NPHS1: variants seen among roughly 807,000 people sequenced by gnomAD.
NPHS1 encodes the protein nephrin.
NPHS1 carries 107 observed loss-of-function variants against 139.7 expected under a neutral mutation model. That is an observed-to-expected ratio of 0.77 (90% CI 0.66 to 0.90). The LOEUF (loss-of-function observed/expected upper bound fraction) is 0.90. Ranked by LOEUF, NPHS1 falls within the 40% of genes least tolerant of loss-of-function variation. The pLI is 0.00. For synonymous variants in NPHS1, 707 were observed against 706.6 expected (o/e 1.00, Z -0.01); for missense variants, 1,580 against 1,654.2 (o/e 0.96, Z 0.78).
chr19:35,832,494 T>C (rs961373046), intron 23 of NPHS1, among the ~76,000 whole-genome samples: 11 of 151,988 alleles, frequency 7.2e-5, no homozygotes, highest in African/African-American at 2.7e-4. Context: ...CAGTGAGCTA[T>C]GATAGCACCA....
Position 35,825,709 on chromosome 19 carries a change from C to A in NPHS1, c.*805G>T, listed in dbSNP as rs952563207. On this transcript the variant is annotated 3_prime_UTR_variant, in exon 29 of 29. Transcript: ENST00000378910. ...TCTGTTTATTTTAATGCTTATGGAG[C>A]ATACTTATGTTTACATGTGTCATAG... 6.6e-6 allele frequency among the ~76,000 whole-genome samples: 1 copy of A among 152,144 alleles called. No homozygotes were observed. The highest frequency in any genetic ancestry group is 2.4e-5 in the African/African-American group (1 of 41,432).
rs1201197016 is a variant in NPHS1 at position 35,845,462 on chromosome 19, C to T, written c.1836G>A (p.Val612=). ...SAAARSVLLQ[V]SSRDHGQRVT... ...CGCGCTGGCCATGATCGCGGGATGA[C>T]ACTTGCAGAAGGACGCTCCTGGCGG... Residue 612 remains valine, a synonymous_variant, in exon 14 of 29, where the codon GTG becomes GTA. Transcript: ENST00000378910. This position sits in a 1 kb window ranked among gnomAD's most constrained non-coding sequence, Gnocchi z 5.5. 6.2e-7 allele frequency: 1 copy of T among 1,614,136 alleles called. No individual in the cohort carries two copies. The highest frequency in any genetic ancestry group is 1.1e-5 in the South Asian group (1 of 91,080).
rs2146826515 is a variant in NPHS1 at position 35,848,290 on chromosome 19, C to T, written c.1278G>A (p.Lys426=). 1.9e-6 allele frequency: 3 copies of T among 1,614,154 alleles called. No homozygotes were observed. Among genetic ancestry groups the T allele is most frequent in the African/African-American group, 2.7e-5 (2 of 75,042 alleles). ...TCEAFSEAFT[K]ETFKKSLILN... ...GGATGAGCGACTTCTTGAAGGTCTCCTTGGTGAAGGCTTCACTGAAGGCCT... is the reference window on the plus strand; with the variant it reads ...GGATGAGCGACTTCTTGAAGGTCTCTTTGGTGAAGGCTTCACTGAAGGCCT... Residue 426 remains lysine, a synonymous_variant, in exon 10 of 29, where the codon AAG becomes AAA. Transcript: ENST00000378910.
At position 35,839,500 on chromosome 19, in the gene NPHS1, T is replaced by C. The variant is rs1482209992; in HGVS notation, c.2923A>G (p.Ile975Val). 25 of 1,613,972 alleles carry C rather than the reference T, an allele frequency of 1.5e-5. No homozygotes were observed. Among genetic ancestry groups the C allele is most frequent in the Non-Finnish European group, 2.0e-5 (24 of 1,179,966 alleles). The change falls in exon 21 of 29, where the codon ATC (isoleucine) becomes GTC (valine). Residue 975 changes from isoleucine (I) to valine (V), a missense_variant. Coordinates refer to ENST00000378910, the MANE Select transcript of NPHS1 (RefSeq NM_004646.4). ...CCTGCCTCGACAAGGACCCACCTGA[T>C]GCAGAACCTCTGTGGCAGGCCCCCA... ...FDGGLPQRFCIRYEALGTPGF... is the reference protein window; with the variant it reads ...FDGGLPQRFCVRYEALGTPGF...
At position 35,839,358 on chromosome 19, in the gene NPHS1, G is replaced by A; in HGVS notation, c.2988C>T (p.Thr996=). The change falls in exon 22 of 29, where the codon ACC becomes ACT. Residue 996 remains threonine, a synonymous_variant. Transcript: ENST00000378910. ...GCTGTAGACCAGTCAGCGTGAAGGT[G>A]GTGGCCTGGGGTGGTACGACATCCA... ...HYVDVVPPQA[T]TFTLTGLQPS... is the part of the protein sequence containing the mutation. The A allele has an allele frequency of 6.2e-7, 1 of 1,614,148 alleles. No individual in the cohort carries two copies. Among genetic ancestry groups the A allele is most frequent in the South Asian group, 1.1e-5 (1 of 91,082 alleles).
chr19:35,826,589 A>T lies in NPHS1; in HGVS notation c.3651T>A (p.Tyr1217Ter). 6.2e-7 allele frequency: 1 copy of T among 1,614,088 alleles called. No homozygotes were observed. Among genetic ancestry groups the T allele is most frequent in the East Asian group, 2.2e-5 (1 of 44,874 alleles). Residue 1217 changes from tyrosine (Y) to a stop codon, truncating the protein, a stop_gained, in exon 29 of 29, where the codon TAT (tyrosine) becomes TAA (stop). Transcript: ENST00000378910. LOFTEE classifies it high-confidence loss of function. ...EDTYQDPRGI[Y>*]DQVAGDLDTL... is the part of the protein sequence containing the mutation. The stretch of plus-strand genomic sequence containing the variant: ...TGTCCAAGTCTCCGGCCACCTGGTC[A>T]TAGATTCCTCTTGGATCCTGATATG...
intron 16 of NPHS1, chr19:35,843,889 C>G: frequency 1.4e-6 from 1 of 712,768 alleles, no homozygotes; most frequent in Non-Finnish European, 2.3e-6. Flanking sequence ...CGTGTCTAGG[C>G]GGGCACCCTC....
chr19:35,842,473 G>A lies in NPHS1; in HGVS notation c.2412C>T (p.His804=), dbSNP rs760156323. 3.7e-6 allele frequency: 6 copies of A among 1,614,030 alleles called. No individual in the cohort carries two copies. Among genetic ancestry groups the A allele is most frequent in the Admixed American group, 1.7e-5 (1 of 59,998 alleles). Residue 804 remains histidine, a synonymous_variant, in exon 18 of 29, where the codon CAC becomes CAT. Coordinates refer to ENST00000378910, the MANE Select transcript of NPHS1 (RefSeq NM_004646.4). ...CGCCAGCCTGGGCCAGTTTGGCATGGTGAATCCGCAGGCGCCCCGTTGGTC... is the reference window on the plus strand; with the variant it reads ...CGCCAGCCTGGGCCAGTTTGGCATGATGAATCCGCAGGCGCCCCGTTGGTC... ...SRGPTGRLRI[H]HAKLAQAGAY...
At chr19:35,847,508 C>T (rs1973161655) in intron 11 of NPHS1, among the ~76,000 whole-genome samples, 1 of 151,816 alleles carries the variant, frequency 6.6e-6, no homozygotes, top group African/African-American at 2.4e-5. Context: ...GCCCCCGCCA[C>T]CATGCCCAGC....
In NPHS1 at chr19:35,847,958, T is replaced by C. The variant is rs970028771; in HGVS notation, c.1440+83A>G. On this transcript the variant is annotated intron_variant, in intron 11 of 28. Transcript: ENST00000378910. Reference sequence around the variant, plus strand: ...AAGAAATTTAATCTTTTTCCAAGATTGCCCAAGATTCTGAAGGAGAGAAGG... The same window carrying C: ...AAGAAATTTAATCTTTTTCCAAGATCGCCCAAGATTCTGAAGGAGAGAAGG... 4 of 1,433,374 alleles carry C rather than the reference T, an allele frequency of 2.8e-6. No individual in the cohort carries two copies. The African/African-American group carries it at 5.7e-5, about 20-fold the overall frequency. The allele number at this position is 1,433,374 out of a possible 1,614,324, so 88.8% of individuals were successfully genotyped here.
intron 28 of NPHS1, 54 bp from the exon 29 acceptor site, chr19:35,826,699 A>G (rs1333996482): frequency 3.1e-6 from 5 of 1,605,530 alleles, no homozygotes; most frequent in Non-Finnish European, 4.3e-6. Flanking sequence ...GTAGGTCTTC[A>G]TTGAAGATCT....
At position 35,844,447 on chromosome 19, in the gene NPHS1, A is replaced by T; in HGVS notation, c.1943T>A (p.Phe648Tyr). The change falls in exon 15 of 29, where the codon TTC becomes TAC. Residue 648 changes from phenylalanine to tyrosine, a missense_variant. Coordinates refer to ENST00000378910, the MANE Select transcript of NPHS1 (RefSeq NM_004646.4). ...YRLNVLYRPE[F>Y]LGEQVLVVTA... ...CACCACCAGCACCTGCTCCCCCAGG[A>T]ACTCTGGACGGTCTTCAGAGGGGGC... The T allele has an allele frequency of 6.3e-7, 1 of 1,584,418 alleles. No individual in the cohort carries two copies. Among genetic ancestry groups the T allele is most frequent in the Non-Finnish European group, 8.6e-7 (1 of 1,166,504 alleles).
chr19:35,847,344 CTTTTTTTTTTT>C (rs34920536), intron 11 of NPHS1, among the ~76,000 whole-genome samples: 57 of 59,874 alleles, frequency 9.5e-4, no homozygotes, highest in East Asian at 3.9e-3. Context: ...TGTGCCCAGC[CTTTTTTTTTTT>C]TTTTTTTTTT....
intron 17 of NPHS1, among the ~76,000 whole-genome samples, chr19:35,842,994 T>G (rs1417253408): frequency 6.6e-6 from 1 of 152,116 alleles, no homozygotes; most frequent in Non-Finnish European, 1.5e-5. Context: ...TGTTCAGACA[T>G]TTACCCAGCT....
intron 17 of NPHS1, 101 bp downstream of exon 17, chr19:35,843,371 G>A: frequency 1.4e-6 from 2 of 1,397,638 alleles, no homozygotes; most frequent in Admixed American, 1.7e-5. Context: ...ATAGTTATAA[G>A]GGTCATACAG....
rs186822859 is a variant in NPHS1 at position 35,828,798 on chromosome 19, G to C, written c.3594+2046C>G. Among the ~76,000 whole-genome samples the C allele has an allele frequency of 5.9e-5, 9 of 152,274 alleles. No homozygotes were observed. The East Asian group carries it at 1.7e-3, about 29-fold the overall frequency. ...CAGCCCAAAGCATTTACTACTATCC[G>C]GCCCTGTTCGGAAAAAGCGTGCAGC... On this transcript the variant is annotated intron_variant, in intron 28 of 28. Coordinates refer to ENST00000378910, the MANE Select transcript of NPHS1 (RefSeq NM_004646.4).
chr19:35,850,574 G>A (rs1240040975), intron 4 of NPHS1, 129 bp from the exon 5 acceptor site: 2 of 816,168 alleles, frequency 2.5e-6, no homozygotes, highest in Non-Finnish European at 4.2e-6. Context: ...AAAGGGCCTG[G>A]GGCAGAGCTG....
At chr19:35,833,063 T>TG (rs1972905841) in intron 23 of NPHS1, among the ~76,000 whole-genome samples, 1 of 148,932 alleles carries the variant, frequency 6.7e-6, no homozygotes, top group Non-Finnish European at 1.5e-5. Flanking sequence ...TTTTTTTTTT[T>TG]TTGTATTTTT....
At chr19:35,849,402 C>T (rs766820281) in intron 6 of NPHS1, 39 bp from the exon 7 acceptor site, 1 of 1,604,422 alleles carries the variant, frequency 6.2e-7, no homozygotes, top group East Asian at 2.2e-5. Flanking sequence ...TGGAGTAGCC[C>T]ATCCACTCTT....
Sources: gnomAD v4.1 joint callset for allele counts (sites outside exome capture counted in the v4.1 genomes callset) on GRCh38, gnomAD v4.1.1 for gene constraint, Gnocchi (gnomAD v3.1) non-coding constraint, MANE v1.5 for transcripts, NCBI Gene and HGNC (gene_info 2026-07-23, HGNC 2026-07-21) for gene names.